Variants in ZNF423 observed in about 807,000 individuals in gnomAD.
ZNF423 encodes the protein zinc finger protein 423.
In ZNF423, 12 loss-of-function variants were observed where a neutral mutation model predicts 95.8. The observed-to-expected ratio is 0.13, with a 90% confidence interval of 0.08 to 0.20. ZNF423 has a LOEUF of 0.20. Among genes scored for constraint, ZNF423 ranks in the 10% least tolerant of loss-of-function variants. The probability of loss-of-function intolerance (pLI) is 1.00; values close to 1 mark genes in which losing one functional copy is unlikely to be tolerated. For synonymous variants in ZNF423, 749 were observed against 711.9 expected, an observed-to-expected ratio of 1.05 and a Z score of -0.83; for missense variants, 1,316 against 1,737.1, an observed-to-expected ratio of 0.76 and a Z score of 4.31.
chr16:49,856,650 G>C (rs1479766693), upstream of ZNF423, among the ~76,000 whole-genome samples: 4 of 150,400 alleles, frequency 2.7e-5, no homozygotes, highest in African/African-American at 9.7e-5. Flanking sequence ...TCTGGCTCTC[G>C]GATCGGCCCG....
chr16:49,542,130 G>A (rs1186001258), intron 5 of ZNF423, among the ~76,000 whole-genome samples: 1 of 152,196 alleles, frequency 6.6e-6, no homozygotes, highest in Non-Finnish European at 1.5e-5. Flanking sequence ...CTGCCTTGCA[G>A]ATCTTCAGAC....
intron 3 of ZNF423, among the ~76,000 whole-genome samples, chr16:49,682,976 C>CA (rs1358658136): frequency 2.0e-5 from 3 of 152,200 alleles, no homozygotes; most frequent in African/African-American, 7.2e-5. Flanking sequence ...AAGGGAGCCT[C>CA]AGGGCTGAGG....
rs1338936723 is a variant in ZNF423, at chr16:49,635,563, T to C, written c.3516+97A>G. 27 of 1,459,676 alleles carry C rather than the reference T, an allele frequency of 1.8e-5. No homozygotes were observed. The highest frequency in any genetic ancestry group is 2.4e-5 in the Non-Finnish European group (26 of 1,099,710). 90.4% of individuals were successfully genotyped at this position (1,459,676 alleles called of 1,614,324 possible). A position where few individuals can be genotyped will look rare whatever the true frequency, so the allele number is the denominator to read the frequency against. On this transcript the variant is annotated intron_variant, in intron 4 of 7. Transcript: ENST00000563137. The surrounding 1 kb of genome is among the most constrained non-coding windows in gnomAD (Gnocchi z 4.8). ...TTTGCCACTGCGCGATAGCGCCGCT[T>C]CTTGGAAACACGGCACTCAGGGTAC...
chr16:49,771,158 C>G (rs890009258), intron 2 of ZNF423, among the ~76,000 whole-genome samples: 5 of 151,546 alleles, frequency 3.3e-5, no homozygotes, highest in Non-Finnish European at 5.9e-5. Context: ...TGTGTCCCCA[C>G]CCAAATCTCA....
At chr16:49,767,302 A>G (rs1029200400) in intron 2 of ZNF423, among the ~76,000 whole-genome samples, 1 of 152,074 alleles carries the variant, frequency 6.6e-6, no homozygotes, top group South Asian at 2.1e-4. Context: ...AGACATTCAA[A>G]CAACATGGGG....
intron 5 of ZNF423, among the ~76,000 whole-genome samples, chr16:49,533,186 T>G (rs901927586): frequency 1.1e-4 from 16 of 152,334 alleles, no homozygotes; most frequent in Non-Finnish European, 2.1e-4. Context: ...CTTCCTTGAT[T>G]CCAGCATCTG....
chr16:49,560,365 T>C (rs1379026457), intron 5 of ZNF423, among the ~76,000 whole-genome samples: 1 of 152,214 alleles, frequency 6.6e-6, no homozygotes, highest in Non-Finnish European at 1.5e-5. Flanking sequence ...AGGCCGAAGT[T>C]GCTGTGAGCC....
chr16:49,626,328 G>A (rs948590801), intron 4 of ZNF423, 74 bp from the exon 5 acceptor site: 2 of 1,448,404 alleles, frequency 1.4e-6, no homozygotes, highest in Non-Finnish European at 1.9e-6. Context: ...AGTTCCTAGG[G>A]GGCCTGGGTC....
At chr16:49,590,949 A>G (rs1970994733) in intron 5 of ZNF423, among the ~76,000 whole-genome samples, 1 of 152,232 alleles carries the variant, frequency 6.6e-6, no homozygotes, top group South Asian at 2.1e-4. Flanking sequence ...TAGTGACACT[A>G]CTAAAAGCTC....
intron 5 of ZNF423, among the ~76,000 whole-genome samples, chr16:49,555,024 A>G (rs954239858): frequency 6.6e-6 from 1 of 152,134 alleles, no homozygotes; most frequent in Non-Finnish European, 1.5e-5. Context: ...GATGTAGACA[A>G]CTCACCAAGG....
intron 5 of ZNF423, among the ~76,000 whole-genome samples, chr16:49,561,429 A>G (rs1436939953): frequency 6.6e-6 from 1 of 152,224 alleles, no homozygotes; most frequent in African/African-American, 2.4e-5. Flanking sequence ...CACCAGATAC[A>G]CAGAATACAG....
chr16:49,727,926 G>A (rs1213896519), intron 3 of ZNF423, among the ~76,000 whole-genome samples: 2 of 152,224 alleles, frequency 1.3e-5, no homozygotes, highest in Non-Finnish European at 2.9e-5. Context: ...GGGGGAGCCT[G>A]CGATTGCACA....
intron 2 of ZNF423, among the ~76,000 whole-genome samples, chr16:49,754,515 C>T (rs2143592798): frequency 6.6e-6 from 1 of 152,324 alleles, no homozygotes; most frequent in East Asian, 1.9e-4. Context: ...TAGAAGAAGA[C>T]ATGCTAGGGA....
At chr16:49,586,746 T>C (rs1211991276) in intron 5 of ZNF423, among the ~76,000 whole-genome samples, 1 of 152,212 alleles carries the variant, frequency 6.6e-6, no homozygotes, top group Non-Finnish European at 1.5e-5. Flanking sequence ...AGCACAGTAT[T>C]CAAACACTTC....
In ZNF423 at chr16:49,575,377, A is replaced by G. The variant is rs905095207; in HGVS notation, c.3602-49883T>C. 3.3e-5 allele frequency among the ~76,000 whole-genome samples: 5 copies of G among 152,146 alleles called. No homozygotes were observed. In the South Asian group the frequency reaches 6.2e-4, roughly 19 times the overall value. On this transcript the variant is annotated intron_variant, in intron 5 of 7. Transcript: ENST00000563137. ...ATTTAAGCTCCACTAAACAAGCCCA[A>G]CGCAAAACTAGCTTCTCAGATCAGC...
intron 5 of ZNF423, among the ~76,000 whole-genome samples, chr16:49,623,141 C>T (rs543160890): frequency 6.6e-6 from 1 of 152,284 alleles, no homozygotes; most frequent in South Asian, 2.1e-4. Context: ...GAACTGGAAT[C>T]TGCACTCGGG....
At chr16:49,852,706 TG>T (rs1262060682) in intron 1 of ZNF423, among the ~76,000 whole-genome samples, 7 of 151,796 alleles carry the variant, frequency 4.6e-5, no homozygotes, top group Admixed American at 1.3e-4. Context: ...GCTTTAGGGT[TG>T]TTTTTTTTTA....
At chr16:49,833,760 T>C (rs1187419979) in intron 1 of ZNF423, among the ~76,000 whole-genome samples, 2 of 151,744 alleles carry the variant, frequency 1.3e-5, no homozygotes, top group Admixed American at 1.3e-4. Context: ...TCCCACTGTA[T>C]ATGTTATACT....
chr16:49,815,827 T>C lies in ZNF423; in HGVS notation c.41-26281A>G, dbSNP rs187861608. 3.0e-4 allele frequency among the ~76,000 whole-genome samples: 42 copies of C among 141,284 alleles called. 1 individual carries two copies. The highest frequency in any genetic ancestry group is 1.0e-3 in the African/African-American group (38 of 37,330). 92.7% of individuals were successfully genotyped at this position (141,284 alleles called of 152,430 possible). On this transcript the variant is annotated intron_variant, in intron 1 of 7. Transcript: ENST00000563137. Reference sequence around the variant, plus strand: ...AGCTAGAAATCTGGATTTTTGTGCATACTTTCCTGAATTTTAAGTGTTACA... The same window carrying C: ...AGCTAGAAATCTGGATTTTTGTGCACACTTTCCTGAATTTTAAGTGTTACA...
Sources: allele counts gnomAD v4.1 joint callset (sites outside exome capture counted in the v4.1 genomes callset), GRCh38; gene constraint gnomAD v4.1.1; non-coding constraint Gnocchi (gnomAD v3.1); transcripts MANE v1.5; gene names NCBI Gene and HGNC (gene_info 2026-07-23, HGNC 2026-07-21).